The following ERC2 variants were observed in gnomAD, a reference collection of about 807,000 sequenced individuals.
ERC2 encodes ELKS/RAB6-interacting/CAST family member 2, also known as ERC protein 2.
Under a neutral mutation model 114.8 loss-of-function variants are expected in ERC2, and 42 were observed. The ratio of observed to expected loss-of-function variants is 0.37; its 90% CI spans 0.29 to 0.47. ERC2 has a LOEUF of 0.47. Ranked by LOEUF, ERC2 falls within the 20% of genes least tolerant of loss-of-function variation. ERC2 has a pLI of 0.99. For missense variants in ERC2, 939 were observed against 1,150.7 expected (o/e 0.82, Z 2.66); for synonymous variants, 454 against 425.5 (o/e 1.07, Z -0.82).
intron 12 of ERC2, among the ~76,000 whole-genome samples, chr3:55,952,179 ACTCTCTCTCTCTC>A (rs2067611909): frequency 4.8e-5 from 3 of 62,108 alleles, no homozygotes; most frequent in East Asian, 8.3e-4. Context: ...ACACACACAC[ACTCTCTCTCTCTC>A]TCTCTCTATA....
chr3:56,387,896 GT>G (rs2059991830), intron 2 of ERC2, among the ~76,000 whole-genome samples: 1 of 152,176 alleles, frequency 6.6e-6, no homozygotes, highest in African/African-American at 2.4e-5. Context: ...CTAGAATAAT[GT>G]GGTGTGTTAG....
intron 14 of ERC2, among the ~76,000 whole-genome samples, chr3:55,822,424 T>C (rs1171186856): frequency 6.6e-6 from 1 of 152,184 alleles, no homozygotes; most frequent in Non-Finnish European, 1.5e-5. Context: ...AATTAAATTA[T>C]CTTGTTTTAT....
chr3:55,549,212 T>C (rs2054972237), intron 17 of ERC2, among the ~76,000 whole-genome samples: 2 of 152,164 alleles, frequency 1.3e-5, no homozygotes, highest in Admixed American at 1.3e-4. Context: ...GATCTTTCTA[T>C]GAAATGGTGT....
At chr3:56,154,089 C>T (rs1020054091) in intron 4 of ERC2, among the ~76,000 whole-genome samples, 1 of 152,158 alleles carries the variant, frequency 6.6e-6, no homozygotes, top group African/African-American at 2.4e-5. Flanking sequence ...ATCATCTAGT[C>T]ATAGCTGCAA....
intron 17 of ERC2, among the ~76,000 whole-genome samples, chr3:55,542,844 A>G (rs932461397): frequency 2.0e-5 from 3 of 152,212 alleles, no homozygotes; most frequent in Admixed American, 6.5e-5. Flanking sequence ...AAGCCTTCTA[A>G]TGGATTCCAT....
intron 14 of ERC2, among the ~76,000 whole-genome samples, chr3:55,822,892 C>T (rs1259444476): frequency 1.3e-5 from 2 of 152,152 alleles, no homozygotes; most frequent in Admixed American, 1.3e-4. Context: ...TGATTACAGG[C>T]GTGAGCCGCC....
At chr3:55,888,821 C>T (rs776178561) in intron 13 of ERC2, among the ~76,000 whole-genome samples, 1 of 152,206 alleles carries the variant, frequency 6.6e-6, no homozygotes, top group African/African-American at 2.4e-5. Context: ...GTATACTACT[C>T]GGGTGATGGT....
At chr3:56,162,090 T>A (rs2082078555) in intron 4 of ERC2, among the ~76,000 whole-genome samples, 1 of 152,202 alleles carries the variant, frequency 6.6e-6, no homozygotes, top group Non-Finnish European at 1.5e-5. Context: ...GTTTTTATCA[T>A]GAAGGGATGT....
At chr3:55,799,701 G>A (rs1322657591) in intron 14 of ERC2, among the ~76,000 whole-genome samples, 1 of 151,910 alleles carries the variant, frequency 6.6e-6, no homozygotes, top group African/African-American at 2.4e-5. Context: ...ATGCATGACT[G>A]GAAAAACTGA....
intron 7 of ERC2, among the ~76,000 whole-genome samples, chr3:56,076,562 C>T (rs1321782941): frequency 1.3e-5 from 2 of 152,132 alleles, no homozygotes; most frequent in Non-Finnish European, 2.9e-5. Flanking sequence ...AATGTCACAG[C>T]CCCACGGGAA....
chr3:55,759,482 A>AAAC (rs2067281646), intron 14 of ERC2, among the ~76,000 whole-genome samples: 1 of 147,902 alleles, frequency 6.8e-6, no homozygotes, highest in African/African-American at 2.5e-5. Flanking sequence ...AAAAAAAAAA[A>AAAC]AAAAAAAAAA....
At chr3:56,403,382 T>C (rs2060592016) in intron 2 of ERC2, among the ~76,000 whole-genome samples, 1 of 152,142 alleles carries the variant, frequency 6.6e-6, no homozygotes, top group Non-Finnish European at 1.5e-5. Context: ...TTAAATAAAA[T>C]CAAAAACTTG....
intron 2 of ERC2, among the ~76,000 whole-genome samples, chr3:56,327,983 C>A (rs757050582): frequency 6.6e-6 from 1 of 152,162 alleles, no homozygotes; most frequent in African/African-American, 2.4e-5. Context: ...AAGCTGTGAC[C>A]ATACAAAGTG....
At position 56,084,084 on chromosome 3, in the gene ERC2, T is replaced by C. The variant is rs115278330; in HGVS notation, c.1474-3100A>G. On this transcript the variant is annotated intron_variant, in intron 6 of 17. Coordinates refer to ENST00000288221, the MANE Select transcript of ERC2 (RefSeq NM_015576.3). Reference sequence around the variant, plus strand: ...TGCCATAAGAAACCAATAGAAGATATACAAATACCCAAAAAACATATGAAA... The same window carrying C: ...TGCCATAAGAAACCAATAGAAGATACACAAATACCCAAAAAACATATGAAA... 3.1e-3 allele frequency among the ~76,000 whole-genome samples: 474 copies of C among 151,990 alleles called. 4 individuals carry two copies. The highest frequency in any genetic ancestry group is 0.011 in the African/African-American group (451 of 41,474).
intron 13 of ERC2, among the ~76,000 whole-genome samples, chr3:55,933,589 T>A (rs1476808831): frequency 6.6e-6 from 1 of 152,188 alleles, no homozygotes; most frequent in Admixed American, 6.5e-5. Context: ...TCTTCAGGGA[T>A]CCTGCCTCCC....
At chr3:55,954,950 G>A (rs1348535401) in intron 12 of ERC2, among the ~76,000 whole-genome samples, 2 of 151,922 alleles carry the variant, frequency 1.3e-5, no homozygotes, top group African/African-American at 4.8e-5. Context: ...AAGAAATTAA[G>A]TATATTCATA....
chr3:55,549,823 G>A (rs11922461), intron 17 of ERC2, among the ~76,000 whole-genome samples: 5,862 of 151,890 alleles, frequency 0.039, 185 homozygotes, highest in Non-Finnish European at 0.056. Flanking sequence ...CCTAGTACAT[G>A]GTTTTGGTAG....
At position 55,593,369 on chromosome 3, in the gene ERC2, T is replaced by C. The variant is rs183725283; in HGVS notation, c.*40-82093A>G. On this transcript the variant is annotated intron_variant, in intron 17 of 17. Coordinates refer to ENST00000288221, the MANE Select transcript of ERC2 (RefSeq NM_015576.3). ...GGGATTCCAGGGTGCATAAGGGAGA[T>C]CCTAGGAGGAGGACCCAGGATGAAA... Among the ~76,000 whole-genome samples, 723 of 152,098 alleles carry C rather than the reference T, an allele frequency of 4.8e-3. 21 individuals are homozygous for C. Among genetic ancestry groups the C allele is most frequent in the Admixed American group, 2.2e-3 (33 of 15,288 alleles).
At chr3:55,783,975 C>T (rs1360832124) in intron 14 of ERC2, among the ~76,000 whole-genome samples, 1 of 152,150 alleles carries the variant, frequency 6.6e-6, no homozygotes, top group African/African-American at 2.4e-5. Flanking sequence ...TATAAAATTT[C>T]TAAAAAGTAA....
Sources: allele counts gnomAD v4.1 joint callset (sites outside exome capture counted in the v4.1 genomes callset), GRCh38; gene constraint gnomAD v4.1.1; transcripts MANE v1.5; gene names NCBI Gene and HGNC (gene_info 2026-07-23, HGNC 2026-07-21).